RTTN: variants seen among roughly 807,000 people sequenced by gnomAD.
RTTN encodes rotatin.
Under a neutral mutation model 269.2 loss-of-function variants are expected in RTTN, and 182 were observed. The ratio of observed to expected loss-of-function variants is 0.68; its 90% CI spans 0.60 to 0.76. RTTN has a LOEUF of 0.76. RTTN is among the 30% of genes least tolerant of loss of function. The pLI, the probability that RTTN is intolerant of heterozygous loss-of-function variation, is 0.00. For missense variants in RTTN, 2,545 were observed against 2,608.6 expected (o/e 0.98, Z 0.53); for synonymous variants, 1,006 against 963.5 (o/e 1.04, Z -0.82).
Position 70,193,441 on chromosome 18 carries a change from T to C in RTTN, c.854A>G (p.Gln285Arg), listed in dbSNP as rs2061729232. Residue 285 changes from glutamine (Q) to arginine (R), a missense_variant, in exon 8 of 49, where the codon CAA becomes CGA. Transcript: ENST00000640769. ...FFSNKHDTVS[Q>R]NSSLSYCHEA... ...ATGACAATAAGACAAAGAAGAATTT[T>C]GGGAAACTGTGTCTGGGGAAACAAA... 5.3e-6 allele frequency: 8 copies of C among 1,523,380 alleles called. No individual in the cohort carries two copies. Among genetic ancestry groups the C allele is most frequent in the Non-Finnish European group, 7.0e-6 (8 of 1,137,658 alleles). The allele number at this position is 1,523,380 out of a possible 1,614,324, so 94.4% of individuals were successfully genotyped here. A position where few individuals can be genotyped will look rare whatever the true frequency, so the allele number is the denominator to read the frequency against.
chr18:70,179,960 C>T (rs147622159), intron 10 of RTTN, among the ~76,000 whole-genome samples: 1 of 152,186 alleles, frequency 6.6e-6, no homozygotes, highest in Non-Finnish European at 1.5e-5. Flanking sequence ...TACCAGCAGA[C>T]CCTCATTTAT....
intron 34 of RTTN, among the ~76,000 whole-genome samples, chr18:70,068,197 G>A (rs1327450478): frequency 6.6e-6 from 1 of 152,134 alleles, no homozygotes; most frequent in Admixed American, 6.5e-5. Context: ...GGTTACATTT[G>A]ATAAAGTACA....
chr18:70,020,570 T>G (rs1247229394), intron 45 of RTTN, 45 bp downstream of exon 45: 2 of 1,448,208 alleles, frequency 1.4e-6, no homozygotes, highest in Non-Finnish European at 1.9e-6. Flanking sequence ...AAAGATTATT[T>G]CACTGAGTAC....
At chr18:70,090,031 G>C (rs1199042871) in intron 30 of RTTN, among the ~76,000 whole-genome samples, 1 of 152,196 alleles carries the variant, frequency 6.6e-6, no homozygotes, top group African/African-American at 2.4e-5. Context: ...TTAAGAAAAA[G>C]ATCACGGGTG....
chr18:70,089,588 C>T (rs1393028009), intron 30 of RTTN, among the ~76,000 whole-genome samples: 1 of 152,170 alleles, frequency 6.6e-6, no homozygotes, highest in Non-Finnish European at 1.5e-5. Flanking sequence ...TAATGGGTTA[C>T]AGGCTAGAAG....
At chr18:70,068,508 C>T (rs1359316206) in intron 34 of RTTN, among the ~76,000 whole-genome samples, 2 of 152,200 alleles carry the variant, frequency 1.3e-5, no homozygotes, top group African/African-American at 4.8e-5. Flanking sequence ...CGAGGAGAGG[C>T]TTGCTTCTTT....
At chr18:70,186,175 C>T (rs1247114673) in intron 10 of RTTN, among the ~76,000 whole-genome samples, 1 of 151,840 alleles carries the variant, frequency 6.6e-6, no homozygotes, top group African/African-American at 2.4e-5. Flanking sequence ...AGAAACAACC[C>T]CATTGTCCAC....
At chr18:70,152,986 T>A (rs1189114462) in intron 14 of RTTN, among the ~76,000 whole-genome samples, 2 of 152,116 alleles carry the variant, frequency 1.3e-5, no homozygotes, top group East Asian at 3.9e-4. Context: ...CTGGTACCAT[T>A]TTTCTATTAT....
At chr18:70,101,330 T>A (rs1352172033) in intron 28 of RTTN, among the ~76,000 whole-genome samples, 1 of 152,220 alleles carries the variant, frequency 6.6e-6, no homozygotes, top group Non-Finnish European at 1.5e-5. Flanking sequence ...CAGAAATTTA[T>A]CCATTTCTTC....
At chr18:70,080,717 A>G (rs1431755813) in intron 32 of RTTN, among the ~76,000 whole-genome samples, 4 of 152,312 alleles carry the variant, frequency 2.6e-5, no homozygotes, top group Non-Finnish European at 5.9e-5. Context: ...CTAGGAAAAC[A>G]GTGTGGAGAT....
At chr18:70,034,121 A>G (rs1041224690) in intron 40 of RTTN, among the ~76,000 whole-genome samples, 3 of 152,206 alleles carry the variant, frequency 2.0e-5, no homozygotes, top group African/African-American at 4.8e-5. Context: ...AAATTCTACC[A>G]GATCTATAAA....
At chr18:70,045,121 C>T (rs766656477) in intron 40 of RTTN, among the ~76,000 whole-genome samples, 9 of 152,188 alleles carry the variant, frequency 5.9e-5, no homozygotes, top group Non-Finnish European at 1.3e-4. Flanking sequence ...AAAACACTTA[C>T]ACATGACTTA....
intron 32 of RTTN, among the ~76,000 whole-genome samples, chr18:70,085,724 T>C (rs1169967568): frequency 6.6e-6 from 1 of 152,016 alleles, no homozygotes; most frequent in Non-Finnish European, 1.5e-5. Flanking sequence ...AACTCAAAAA[T>C]AGAAAATCAA....
At chr18:70,071,216 TCA>T (rs1476697352) in intron 34 of RTTN, among the ~76,000 whole-genome samples, 1 of 152,210 alleles carries the variant, frequency 6.6e-6, no homozygotes, top group East Asian at 1.9e-4. Flanking sequence ...ACAATGCTTT[TCA>T]GTTGTTTTAA....
intron 44 of RTTN, 82 bp from the exon 45 acceptor site, chr18:70,020,899 G>T: frequency 1.7e-6 from 2 of 1,175,334 alleles, no homozygotes; most frequent in Non-Finnish European, 2.4e-6. Flanking sequence ...AAGCATATCT[G>T]TCTAACAAAA....
At chr18:70,028,038 C>T (rs928195611) in intron 43 of RTTN, among the ~76,000 whole-genome samples, 5 of 151,574 alleles carry the variant, frequency 3.3e-5, no homozygotes, top group Admixed American at 6.6e-5. Flanking sequence ...TTTTTATTTT[C>T]GTGGCCAGCT....
intron 28 of RTTN, among the ~76,000 whole-genome samples, chr18:70,093,191 G>A (rs2145250629): frequency 6.6e-6 from 1 of 151,674 alleles, no homozygotes; most frequent in East Asian, 1.9e-4. Flanking sequence ...GTTACAGAGT[G>A]AGATCCTGTA....
chr18:70,167,148 ATTTG>A (rs2061008854), intron 12 of RTTN, 117 bp from the exon 13 acceptor site: 2 of 665,344 alleles, frequency 3.0e-6, no homozygotes, highest in Admixed American at 3.2e-5. Context: ...GACTGTTTAC[ATTTG>A]TTTAAGTCCA....
At chr18:70,082,464 TTA>T (rs1421494257) in intron 32 of RTTN, among the ~76,000 whole-genome samples, 24 of 152,284 alleles carry the variant, frequency 1.6e-4, no homozygotes, top group Admixed American at 5.2e-4. Context: ...AGATTTCTTG[TTA>T]TAATCAACTC....
Sources: allele counts gnomAD v4.1 joint callset (sites outside exome capture counted in the v4.1 genomes callset), GRCh38; gene constraint gnomAD v4.1.1; transcripts MANE v1.5; gene names NCBI Gene and HGNC (gene_info 2026-07-23, HGNC 2026-07-21).